The following NUP153 variants were observed in gnomAD, a reference collection of about 807,000 sequenced individuals.
NUP153 encodes the protein nuclear pore complex protein Nup153.
NUP153 carries 27 observed loss-of-function variants against 134.6 expected under a neutral mutation model. The ratio of observed to expected loss-of-function variants is 0.20; its 90% confidence interval spans 0.15 to 0.28. The LOEUF is 0.28. NUP153 is among the 10% of genes least tolerant of loss of function. NUP153 has a pLI of 1.00. For synonymous variants in NUP153, 640 were observed against 623.5 expected, an observed-to-expected ratio of 1.03 and a Z score of -0.40; for missense variants, 1,821 against 1,731.3, an observed-to-expected ratio of 1.05 and a Z score of -0.92.
Position 17,706,566 on chromosome 6 carries a change from G to T in NUP153, c.-179C>A. 1.7e-6 allele frequency: 1 copy of T among 588,500 alleles called. No homozygotes were observed. Among genetic ancestry groups the T allele is most frequent in the South Asian group, 2.0e-5 (1 of 50,130 alleles). 36.5% of individuals were successfully genotyped at this position (588,500 alleles called of 1,614,324 possible). ...AGGTTGCGAGCAGGAGCGGAGAGAG[G>T]GTGAGTGCTGGCAGCGGGGAAGGGG... On this transcript the variant is annotated 5_prime_UTR_variant, in exon 1 of 22. Transcript: ENST00000262077. The surrounding 1 kb of genome is among the most constrained non-coding windows in gnomAD (Gnocchi z 5.9).
At chr6:17,663,724 AGTT>A (rs1272504869) in intron 9 of NUP153, among the ~76,000 whole-genome samples, 3 of 152,216 alleles carry the variant, frequency 2.0e-5, no homozygotes, top group African/African-American at 7.2e-5. Context: ...CAATAAATTG[AGTT>A]GTTAGAAATG....
chr6:17,669,944 A>C (rs185523926), intron 5 of NUP153, among the ~76,000 whole-genome samples: 2 of 151,844 alleles, frequency 1.3e-5, no homozygotes, highest in Admixed American at 1.3e-4. Flanking sequence ...AAATACAAAA[A>C]ATTAGCCAGG....
intron 11 of NUP153, 96 bp from the exon 12 acceptor site, chr6:17,649,396 T>C: frequency 6.1e-6 from 7 of 1,152,372 alleles, no homozygotes; most frequent in Middle Eastern, 2.2e-4. Context: ...AAGAAGATGG[T>C]ACCATGTAGT....
At chr6:17,650,746 CA>C (rs1238998866) in intron 11 of NUP153, among the ~76,000 whole-genome samples, 1 of 151,330 alleles carries the variant, frequency 6.6e-6, no homozygotes, top group Non-Finnish European at 1.5e-5. Context: ...TGTGAGCAAA[CA>C]AAAACTTTTT....
At chr6:17,672,675 AAAAAAACAAAAAAC>A (rs756798667) in intron 5 of NUP153, among the ~76,000 whole-genome samples, 1 of 151,992 alleles carries the variant, frequency 6.6e-6, no homozygotes, top group African/African-American at 2.4e-5. Context: ...CCCATATGTT[AAAAAAACAAAAAAC>A]AAAAAACAAA....
intron 20 of NUP153, among the ~76,000 whole-genome samples, chr6:17,624,037 C>T (rs988591858): frequency 1.3e-5 from 2 of 151,956 alleles, no homozygotes; most frequent in African/African-American, 4.8e-5. Context: ...TATTATATTT[C>T]ACAATTAGAA....
At chr6:17,693,990 C>T (rs1769458689) in intron 1 of NUP153, among the ~76,000 whole-genome samples, 1 of 152,156 alleles carries the variant, frequency 6.6e-6, no homozygotes, top group African/African-American at 2.4e-5. Context: ...CATTTTGCTT[C>T]CCAGCTTTAT....
At chr6:17,616,487 ACCAATGTAACTTCT>A in intron 21 of NUP153, 26 bp downstream of exon 21, 1 of 1,553,792 alleles carries the variant, frequency 6.4e-7, no homozygotes, top group Non-Finnish European at 8.8e-7. Flanking sequence ...ACATACCCTT[ACCAATGTAACTTCT>A]CCATTTCAAT....
intron 14 of NUP153, among the ~76,000 whole-genome samples, chr6:17,642,044 A>G (rs1765869132): frequency 6.6e-6 from 1 of 152,118 alleles, no homozygotes; most frequent in Non-Finnish European, 1.5e-5. Flanking sequence ...AGTACTTTTG[A>G]AAAAAACCTT....
At chr6:17,694,524 G>A (rs1314341201) in intron 1 of NUP153, among the ~76,000 whole-genome samples, 1 of 152,012 alleles carries the variant, frequency 6.6e-6, no homozygotes, top group East Asian at 1.9e-4. Flanking sequence ...TGGGCATGAT[G>A]GTGATGCCTG....
intron 21 of NUP153, 149 bp from the exon 22 acceptor site, chr6:17,616,330 AAC>A: frequency 2.8e-6 from 2 of 723,224 alleles, no homozygotes; most frequent in East Asian, 2.7e-5. Context: ...TGCTACACCT[AAC>A]ACACACGCTA....
intron 5 of NUP153, among the ~76,000 whole-genome samples, chr6:17,672,976 G>A (rs1768003463): frequency 6.6e-6 from 1 of 151,900 alleles, no homozygotes; most frequent in African/African-American, 2.4e-5. Context: ...TTGTGACATG[G>A]GATTATAATA....
At chr6:17,699,841 A>C (rs931405769) in intron 1 of NUP153, among the ~76,000 whole-genome samples, 2 of 152,212 alleles carry the variant, frequency 1.3e-5, no homozygotes, top group African/African-American at 4.8e-5. Flanking sequence ...TCTCAAAAAA[A>C]AAGAAAAGTA....
chr6:17,628,724 A>T lies in NUP153; in HGVS notation c.3475T>A (p.Ser1159Thr), dbSNP rs1399303330. Residue 1159 changes from serine to threonine, a missense_variant, in exon 18 of 22, where the codon TCT (serine) becomes ACT (threonine). Coordinates refer to ENST00000262077, the MANE Select transcript of NUP153 (RefSeq NM_005124.4). The surrounding 1 kb of genome is among the most constrained non-coding windows in gnomAD (Gnocchi z 5.4). ...STFSFSMTKP[S>T]EKESEQPAKA... ...GCTGGCTGTTCAGATTCCTTCTCAGATGGTTTTGTCATACTAAAACTAAAT... is the reference window on the plus strand; with the variant it reads ...GCTGGCTGTTCAGATTCCTTCTCAGTTGGTTTTGTCATACTAAAACTAAAT... 6.2e-7 allele frequency: 1 copy of T among 1,614,052 alleles called. No homozygotes were observed.
chr6:17,700,902 G>C (rs187852909), intron 1 of NUP153, among the ~76,000 whole-genome samples: 4 of 152,288 alleles, frequency 2.6e-5, no homozygotes, highest in Admixed American at 1.3e-4. Context: ...CCTGATCTAA[G>C]CTACTGATAA....
In NUP153 at chr6:17,629,661, T is replaced by G. The variant is rs112989746; in HGVS notation, c.2660-122A>C. The G allele has an allele frequency of 1.4e-3, 1,052 of 766,788 alleles. 3 individuals carry two copies. Among genetic ancestry groups the G allele is most frequent in the Admixed American group, 3.6e-3 (104 of 28,922 alleles). The allele number at this position is 766,788 out of a possible 1,614,324, so 47.5% of individuals were successfully genotyped here. ...CTTTGAAAGGGCCTACTTTGAAGAG[T>G]ATTACCAGCAGCTGTAAACATAATC... On this transcript the variant is annotated intron_variant, in intron 17 of 21. Transcript: ENST00000262077.
intron 11 of NUP153, among the ~76,000 whole-genome samples, chr6:17,656,808 GCA>G (rs553753183): frequency 1.8e-3 from 273 of 152,332 alleles, no homozygotes; most frequent in Non-Finnish European, 3.3e-3. Context: ...CCTTCGACGT[GCA>G]CAGTTGTCTC....
chr6:17,632,178 T>A (rs1765287721), intron 17 of NUP153, among the ~76,000 whole-genome samples: 1 of 152,024 alleles, frequency 6.6e-6, no homozygotes, highest in South Asian at 2.1e-4. Context: ...GGCTCACACC[T>A]GTAATCCCAG....
At chr6:17,654,343 CG>C (rs1466331053) in intron 11 of NUP153, among the ~76,000 whole-genome samples, 1 of 150,008 alleles carries the variant, frequency 6.7e-6, no homozygotes, top group Admixed American at 6.7e-5. Flanking sequence ...TTTTTTGAGA[CG>C]GAGTTTCGAT....
Sources: allele counts gnomAD v4.1 joint callset (sites outside exome capture counted in the v4.1 genomes callset), GRCh38; gene constraint gnomAD v4.1.1; non-coding constraint Gnocchi (gnomAD v3.1); transcripts MANE v1.5; gene names NCBI Gene and HGNC (gene_info 2026-07-23, HGNC 2026-07-21).